SLC35F4: variants seen among roughly 807,000 people sequenced by gnomAD.
SLC35F4 encodes the protein solute carrier family 35 member F4.
Under a neutral mutation model 44.2 loss-of-function variants are expected in SLC35F4, and 24 were observed. The ratio of observed to expected loss-of-function variants is 0.54; its 90% CI spans 0.39 to 0.76. SLC35F4 has a LOEUF of 0.76. SLC35F4 is among the 30% of genes least tolerant of loss of function. The probability of loss-of-function intolerance (pLI) is 0.00; values close to 1 mark genes in which losing one functional copy is unlikely to be tolerated. For synonymous variants in SLC35F4, 238 were observed against 223.6 expected (o/e 1.06, Z -0.57); for missense variants, 562 against 586.1 (o/e 0.96, Z 0.42).
At chr14:57,612,250 C>CT (rs2140051636) in intron 1 of SLC35F4, among the ~76,000 whole-genome samples, 1 of 151,756 alleles carries the variant, frequency 6.6e-6, no homozygotes, top group East Asian at 1.9e-4. Context: ...GATCCCGTCT[C>CT]TAAAAAAAAA....
At chr14:57,814,104 A>T (rs1001845666) in intron 1 of SLC35F4, among the ~76,000 whole-genome samples, 12 of 152,212 alleles carry the variant, frequency 7.9e-5, no homozygotes, top group Non-Finnish European at 1.8e-4. Flanking sequence ...GCTGATTATA[A>T]ATAGTAAACT....
intron 2 of SLC35F4, among the ~76,000 whole-genome samples, chr14:57,590,226 C>CAAAAAAAAAAAAAAAAAAAAAAAAAAA (rs55850524): frequency 1.9e-4 from 23 of 119,166 alleles, no homozygotes; most frequent in Non-Finnish European, 3.6e-4. Flanking sequence ...CTTGTCTATG[C>CAAAAAAAAAAAAAAAAAAAAAAAAAAA]AAAAAAAAAA....
At chr14:57,615,839 A>C (rs1055670333) in intron 1 of SLC35F4, among the ~76,000 whole-genome samples, 1 of 152,156 alleles carries the variant, frequency 6.6e-6, no homozygotes, top group African/African-American at 2.4e-5. Context: ...TATAGATGGG[A>C]TAGAGGGTTA....
chr14:57,635,450 G>T (rs1273802538), intron 1 of SLC35F4, among the ~76,000 whole-genome samples: 1 of 151,986 alleles, frequency 6.6e-6, no homozygotes, highest in African/African-American at 2.4e-5. Context: ...TGTCAAAAAG[G>T]CCATTAGACT....
intron 1 of SLC35F4, among the ~76,000 whole-genome samples, chr14:57,725,714 C>T (rs1249450818): frequency 2.0e-5 from 3 of 152,154 alleles, no homozygotes; most frequent in Admixed American, 1.3e-4. Flanking sequence ...ACTAACAATG[C>T]CAACTAGGTG....
intron 2 of SLC35F4, among the ~76,000 whole-genome samples, chr14:57,593,446 T>C (rs1198556898): frequency 6.6e-6 from 1 of 152,104 alleles, no homozygotes; most frequent in East Asian, 1.9e-4. Context: ...GATCAGAAAA[T>C]GCTGATCAGG....
At chr14:57,830,412 C>T (rs867955693) in intron 1 of SLC35F4, among the ~76,000 whole-genome samples, 47 of 152,066 alleles carry the variant, frequency 3.1e-4, no homozygotes, top group African/African-American at 1.1e-3. Context: ...TCCCTAGCTT[C>T]GGACAAGAGA....
chr14:57,623,582 A>G (rs1011148210), intron 1 of SLC35F4, among the ~76,000 whole-genome samples: 5 of 152,210 alleles, frequency 3.3e-5, no homozygotes, highest in Non-Finnish European at 2.9e-5. Context: ...CAAATGCAAA[A>G]GAATGGAAAT....
intron 1 of SLC35F4, among the ~76,000 whole-genome samples, chr14:57,927,760 G>C (rs1457588712): frequency 6.6e-6 from 1 of 151,878 alleles, no homozygotes; most frequent in African/African-American, 2.4e-5. Context: ...AAAAGTGCTG[G>C]GATTACAGGC....
At chr14:57,681,407 C>T (rs903954600) in intron 1 of SLC35F4, among the ~76,000 whole-genome samples, 3 of 151,896 alleles carry the variant, frequency 2.0e-5, no homozygotes, top group Non-Finnish European at 4.4e-5. Flanking sequence ...AAGTCCTAAA[C>T]CCATAAAAAC....
chr14:57,860,747 A>G (rs1887612966), intron 1 of SLC35F4, among the ~76,000 whole-genome samples: 1 of 152,188 alleles, frequency 6.6e-6, no homozygotes, highest in East Asian at 1.9e-4. Flanking sequence ...CTTATAGCAT[A>G]CAAACCACCA....
intron 1 of SLC35F4, among the ~76,000 whole-genome samples, chr14:57,916,118 C>T (rs567722740): frequency 1.3e-4 from 20 of 152,222 alleles, no homozygotes; most frequent in South Asian, 2.1e-4. Flanking sequence ...GTACCAGCAG[C>T]GGGCAAGGGT....
intron 1 of SLC35F4, among the ~76,000 whole-genome samples, chr14:57,783,046 CCAG>C (rs2077665147): frequency 1.3e-5 from 2 of 151,998 alleles, no homozygotes; most frequent in South Asian, 4.2e-4. Context: ...TGCAGCTATA[CCAG>C]CAGCCATGAA....
chr14:57,687,305 A>G (rs2075095928), intron 1 of SLC35F4, among the ~76,000 whole-genome samples: 1 of 152,190 alleles, frequency 6.6e-6, no homozygotes, highest in South Asian at 2.1e-4. Context: ...ATACAGGAAC[A>G]ATGGTACCAT....
intron 1 of SLC35F4, among the ~76,000 whole-genome samples, chr14:57,740,734 T>C (rs776701026): frequency 6.6e-6 from 1 of 152,254 alleles, no homozygotes; most frequent in Non-Finnish European, 1.5e-5. Context: ...ACAGATCATA[T>C]GAATATATTA....
At chr14:57,923,601 T>A (rs1889486014) in intron 1 of SLC35F4, among the ~76,000 whole-genome samples, 1 of 152,242 alleles carries the variant, frequency 6.6e-6, no homozygotes, top group South Asian at 2.1e-4. Flanking sequence ...CACACTACTT[T>A]CCCATTTCAC....
intron 1 of SLC35F4, among the ~76,000 whole-genome samples, chr14:57,662,897 G>C (rs977695973): frequency 6.6e-5 from 10 of 152,288 alleles, no homozygotes; most frequent in Middle Eastern, 3.4e-3. Flanking sequence ...ACTGAAAGGA[G>C]ACTGGAGGCA....
At position 57,681,144 on chromosome 14, in the gene SLC35F4, A is replaced by T. The variant is rs139598497; in HGVS notation, c.104-87020T>A. Among the ~76,000 whole-genome samples, 125 of 152,250 alleles carry T rather than the reference A, an allele frequency of 8.2e-4. 4 individuals are homozygous for T. Among genetic ancestry groups the T allele is most frequent in the African/African-American group, 2.7e-3 (112 of 41,490 alleles). ...CTATTCTATAAGGTTACAGTAACCA[A>T]AACAGCATGGTCCTGGTACCAAAAC... On this transcript the variant is annotated intron_variant, in intron 1 of 7. Coordinates refer to ENST00000556826, the MANE Select transcript of SLC35F4 (RefSeq NM_001306087.2).
chr14:57,849,781 G>GA (rs1886393402), intron 1 of SLC35F4, among the ~76,000 whole-genome samples: 1 of 152,152 alleles, frequency 6.6e-6, no homozygotes, highest in Admixed American at 6.5e-5. Flanking sequence ...CATTACATCA[G>GA]AAACCATACC....
Sources: allele counts gnomAD v4.1 joint callset (sites outside exome capture counted in the v4.1 genomes callset), GRCh38; gene constraint gnomAD v4.1.1; transcripts MANE v1.5; gene names NCBI Gene and HGNC (gene_info 2026-07-23, HGNC 2026-07-21).